Variants in ARHGAP26 observed in about 807,000 individuals in gnomAD.
ARHGAP26 encodes the protein Rho GTPase activating protein 26, also known as rho GTPase-activating protein 26.
ARHGAP26 carries 38 observed loss-of-function variants against 104.8 expected under a neutral mutation model. The observed-to-expected ratio is 0.36, with a 90% CI of 0.28 to 0.48. The LOEUF (loss-of-function observed/expected upper bound fraction) is 0.48. Ranked by LOEUF, ARHGAP26 falls within the 20% of genes least tolerant of loss-of-function variation. The probability of loss-of-function intolerance (pLI) is 0.99; values close to 1 mark genes in which losing one functional copy is unlikely to be tolerated. For missense variants in ARHGAP26, 704 were observed against 947.9 expected (o/e 0.74, Z 3.38); for synonymous variants, 341 against 340.0 (o/e 1.00, Z -0.03).
At chr5:143,145,444 A>C (rs1261683990) in intron 19 of ARHGAP26, among the ~76,000 whole-genome samples, 1 of 152,168 alleles carries the variant, frequency 6.6e-6, no homozygotes, top group African/African-American at 2.4e-5. Flanking sequence ...CCAGTTCCTC[A>C]TGGTCTTTCG....
intron 5 of ARHGAP26, among the ~76,000 whole-genome samples, chr5:142,887,607 C>G (rs905199242): frequency 2.0e-5 from 3 of 152,130 alleles, no homozygotes; most frequent in Non-Finnish European, 4.4e-5. Context: ...TTGCCTTTGA[C>G]CTAGTCACAC....
intron 11 of ARHGAP26, among the ~76,000 whole-genome samples, chr5:142,974,280 C>G (rs1772702782): frequency 6.6e-6 from 1 of 151,300 alleles, no homozygotes; most frequent in Non-Finnish European, 1.5e-5. Context: ...CTCGACCTAC[C>G]TGGTTACGAT....
chr5:143,221,949 G>C (rs947494602), intron 22 of ARHGAP26, among the ~76,000 whole-genome samples: 1 of 151,922 alleles, frequency 6.6e-6, no homozygotes, highest in African/African-American at 2.4e-5. Context: ...AGGAAGGAAG[G>C]ATGGAAGGAT....
chr5:142,902,715 G>T (rs750213365), intron 7 of ARHGAP26, among the ~76,000 whole-genome samples: 1 of 152,218 alleles, frequency 6.6e-6, no homozygotes, highest in Non-Finnish European at 1.5e-5. Flanking sequence ...GGTTTTAGAA[G>T]CCTGGAGGTT....
chr5:143,167,258 A>G (rs1599331361), intron 20 of ARHGAP26, among the ~76,000 whole-genome samples: 1 of 150,488 alleles, frequency 6.6e-6, no homozygotes, highest in Non-Finnish European at 1.5e-5. Context: ...CTTGAGGTCA[A>G]GAGTTTGAGA....
At chr5:142,783,320 G>A (rs1285595312) in intron 1 of ARHGAP26, among the ~76,000 whole-genome samples, 1 of 152,230 alleles carries the variant, frequency 6.6e-6, no homozygotes, top group Non-Finnish European at 1.5e-5. Context: ...CTGTGAGCGG[G>A]AACCCTTCAG....
At chr5:142,975,804 G>C (rs542597576) in intron 11 of ARHGAP26, among the ~76,000 whole-genome samples, 1 of 152,318 alleles carries the variant, frequency 6.6e-6, no homozygotes, top group East Asian at 1.9e-4. Flanking sequence ...GTTGCCTGGA[G>C]AGTATTAAGA....
At chr5:143,177,300 A>T (rs114257760) in intron 20 of ARHGAP26, among the ~76,000 whole-genome samples, 1 of 152,182 alleles carries the variant, frequency 6.6e-6, no homozygotes, top group Non-Finnish European at 1.5e-5. Context: ...TTTGTTTGCT[A>T]CATAGTGCTT....
At chr5:143,178,217 C>G (rs899604308) in intron 20 of ARHGAP26, among the ~76,000 whole-genome samples, 13 of 151,938 alleles carry the variant, frequency 8.6e-5, no homozygotes, top group African/African-American at 3.1e-4. Flanking sequence ...CCAGGCTGGT[C>G]TCAAACTCCT....
intron 17 of ARHGAP26, among the ~76,000 whole-genome samples, chr5:143,061,942 A>G (rs1316852961): frequency 6.6e-6 from 1 of 152,096 alleles, no homozygotes; most frequent in African/African-American, 2.4e-5. Context: ...GTCACATCTC[A>G]TTGGTCCAGA....
chr5:142,942,397 C>A (rs915298451), intron 11 of ARHGAP26, among the ~76,000 whole-genome samples: 1 of 151,982 alleles, frequency 6.6e-6, no homozygotes. Flanking sequence ...ATTTATGATA[C>A]AATAAACATG....
chr5:142,993,371 T>C (rs1038559145), intron 11 of ARHGAP26, among the ~76,000 whole-genome samples: 1 of 151,688 alleles, frequency 6.6e-6, no homozygotes, highest in Non-Finnish European at 1.5e-5. Flanking sequence ...GGGTTTCACC[T>C]TGTTAGCCAG....
At chr5:143,193,421 G>A (rs1368519885) in intron 20 of ARHGAP26, among the ~76,000 whole-genome samples, 1 of 151,752 alleles carries the variant, frequency 6.6e-6, no homozygotes, top group East Asian at 1.9e-4. Flanking sequence ...GCTAATTTTT[G>A]TATTTTTAGT....
intron 20 of ARHGAP26, chr5:143,192,364 G>T (rs1426961468): frequency 6.6e-6 from 1 of 152,270 alleles, no homozygotes; most frequent in Non-Finnish European, 1.5e-5. Context: ...AGGTGCAAAA[G>T]GTTAAAGCAT....
chr5:143,106,430 A>G (rs1047449213), intron 17 of ARHGAP26, among the ~76,000 whole-genome samples: 3 of 151,000 alleles, frequency 2.0e-5, no homozygotes, highest in Non-Finnish European at 4.4e-5. Context: ...TCCCATGGAA[A>G]AGGAAGTGAA....
chr5:143,028,732 C>T (rs779881708), intron 12 of ARHGAP26, among the ~76,000 whole-genome samples: 2 of 152,212 alleles, frequency 1.3e-5, no homozygotes, highest in Non-Finnish European at 1.5e-5. Context: ...GTAGCTGAGG[C>T]AGGGTTCTAA....
intron 1 of ARHGAP26, among the ~76,000 whole-genome samples, chr5:142,794,345 G>C (rs1270936135): frequency 6.6e-6 from 1 of 152,174 alleles, no homozygotes; most frequent in East Asian, 1.9e-4. Context: ...TGATTTCCCA[G>C]AGGAATACTG....
intron 17 of ARHGAP26, among the ~76,000 whole-genome samples, chr5:143,072,690 G>A (rs1343823747): frequency 6.6e-6 from 1 of 151,936 alleles, no homozygotes; most frequent in African/African-American, 2.4e-5. Flanking sequence ...AACTAAAAAA[G>A]GTCGATCTCA....
chr5:142,887,605 G>A (rs1169727065), intron 5 of ARHGAP26, among the ~76,000 whole-genome samples: 1 of 152,044 alleles, frequency 6.6e-6, no homozygotes. Flanking sequence ...TCTTGCCTTT[G>A]ACCTAGTCAC....
Sources: gnomAD v4.1 joint callset for allele counts (sites outside exome capture counted in the v4.1 genomes callset) on GRCh38, gnomAD v4.1.1 for gene constraint, MANE v1.5 for transcripts, NCBI Gene and HGNC (gene_info 2026-07-23, HGNC 2026-07-21) for gene names.